The following DIDO1 variants were observed in gnomAD, a reference collection of about 807,000 sequenced individuals.
The protein encoded by DIDO1 is death-inducer obliterator 1.
A neutral mutation model predicts 99.4 loss-of-function variants in DIDO1; 16 were observed. The ratio of observed to expected loss-of-function variants is 0.16; its 90% confidence interval spans 0.11 to 0.24. The LOEUF (loss-of-function observed/expected upper bound fraction) is 0.24. DIDO1 is among the 10% of genes least tolerant of loss of function. DIDO1 has a pLI of 1.00. For missense variants in DIDO1, 2,996 were observed against 3,014.0 expected (o/e 0.99, Z 0.14); for synonymous variants, 1,366 against 1,239.1 (o/e 1.10, Z -2.15).
At position 62,892,212 on chromosome 20, in the gene DIDO1, A is replaced by G. The variant is rs1006855392; in HGVS notation, c.3256-136T>C. 5 of 729,958 alleles carry G rather than the reference A, an allele frequency of 6.8e-6. No individual in the cohort carries two copies. In the African/African-American group the frequency reaches 8.9e-5, roughly 13 times the overall value. 45.2% of individuals were successfully genotyped at this position (729,958 alleles called of 1,614,324 possible). ...TTCCAAGGAAAAGAGTCACACTTGT[A>G]TTAAATGCATTAAGTCCAGGATGAC... On this transcript the variant is annotated intron_variant, in intron 13 of 15. Coordinates refer to ENST00000395343, the MANE Select transcript of DIDO1 (RefSeq NM_001193369.2).
At chr20:62,914,598 C>G (rs1296740413) in intron 1 of DIDO1, among the ~76,000 whole-genome samples, 192 bp from the exon 2 acceptor site, 1 of 152,144 alleles carries the variant, frequency 6.6e-6, no homozygotes, top group Non-Finnish European at 1.5e-5. Context: ...ACAGCAGATG[C>G]TACCAACCCC....
intron 3 of DIDO1, 110 bp downstream of exon 3, chr20:62,910,664 T>C (rs544256431): frequency 2.1e-4 from 268 of 1,288,414 alleles, no homozygotes; most frequent in Middle Eastern, 1.2e-3. Context: ...TGTTCATCTT[T>C]TCCAACAAAT....
chr20:62,917,799 A>G, intron 1 of DIDO1, among the ~76,000 whole-genome samples: 1 of 152,270 alleles, frequency 6.6e-6, no homozygotes, highest in East Asian at 1.9e-4. Flanking sequence ...GGTGCTGAAG[A>G]GGGCTCCAAT....
chr20:62,914,187 T>C (rs896098956), intron 2 of DIDO1, 23 bp downstream of exon 2: 3 of 152,224 alleles, frequency 2.0e-5, no homozygotes, highest in African/African-American at 7.2e-5. Context: ...ATTTTGTTGC[T>C]ACTAACAGTG....
In DIDO1 at chr20:62,879,936, G is replaced by A; in HGVS notation, c.6020C>T (p.Ser2007Leu). ...GGCCTGGCCCTGGAAGTGAAATCGC[G>A]AAGGGGTCTGCTCATTTTTTTCAGA... ...PFSEKNEQTP[S>L]RFHFQGQAPQ... Residue 2007 changes from serine to leucine, a missense_variant, in exon 16 of 16, where the codon TCG becomes TTG. Around this residue, in one of 5 missense-constraint regions of DIDO1, gnomAD observed 1,562 missense variants for 1,412.6 expected, o/e 1.11. Transcript: ENST00000395343. This position sits in a 1 kb window ranked among gnomAD's most constrained non-coding sequence, Gnocchi z 6.3. 3 of 1,600,162 alleles carry A rather than the reference G, an allele frequency of 1.9e-6. No individual in the cohort carries two copies. The highest frequency in any genetic ancestry group is 2.6e-6 in the Non-Finnish European group (3 of 1,174,962).
chr20:62,877,968 G>A lies in DIDO1; in HGVS notation c.*1265C>T, dbSNP rs1213475572. 1 of 152,172 alleles carries A rather than the reference G, an allele frequency of 6.6e-6. No individual in the cohort carries two copies. Among genetic ancestry groups the A allele is most frequent in the African/African-American group, 2.4e-5 (1 of 41,452 alleles). The allele number at this position is 152,172 out of a possible 1,614,324, so 9.4% of individuals were successfully genotyped here. A position where few individuals can be genotyped will look rare whatever the true frequency, so the allele number is the denominator to read the frequency against. ...CTCATCGTACTAGATGTTGGAACGT[G>A]ACACCTACTTTAATGTAATTTAACC... On this transcript the variant is annotated 3_prime_UTR_variant, in exon 16 of 16. Coordinates refer to ENST00000395343, the MANE Select transcript of DIDO1 (RefSeq NM_001193369.2).
intron 6 of DIDO1, among the ~76,000 whole-genome samples, chr20:62,901,143 T>C (rs917002580): frequency 3.9e-5 from 6 of 152,236 alleles, no homozygotes; most frequent in Admixed American, 3.3e-4. Context: ...AAACAGTTAC[T>C]TCCCAAATAC....
intron 6 of DIDO1, 189 bp downstream of exon 6, chr20:62,905,698 A>G: frequency 6.2e-7 from 1 of 1,609,560 alleles, no homozygotes; most frequent in East Asian, 2.2e-5. Flanking sequence ...AAGTCCTGAC[A>G]GACTAGGGAT....
At chr20:62,909,512 T>C (rs1466404810) in intron 4 of DIDO1, among the ~76,000 whole-genome samples, 187 bp downstream of exon 4, 1 of 152,154 alleles carries the variant, frequency 6.6e-6, no homozygotes, top group African/African-American at 2.4e-5. Flanking sequence ...TCATTAATAG[T>C]AGAGGAGGTA....
Position 62,880,172 on chromosome 20 carries a change from C to A in DIDO1, c.5784G>T (p.Gly1928=). The change falls in exon 16 of 16, where the codon GGG becomes GGT. Residue 1928 remains glycine (G), a synonymous_variant. Transcript: ENST00000395343. The part of the protein sequence containing the change: ...PPPGHFVGPR[G]PHPSQFETAR... ...CAGTTTCAAACTGACTAGGATGGGG[C>A]CCTCTTGGGCCCACGAAATGACCAG... 1.2e-6 allele frequency: 2 copies of A among 1,612,330 alleles called. No individual in the cohort carries two copies. Among genetic ancestry groups the A allele is most frequent in the Non-Finnish European group, 1.7e-6 (2 of 1,179,874 alleles).
upstream of DIDO1, among the ~76,000 whole-genome samples, chr20:62,930,217 AC>A (rs1331500060): frequency 7.7e-5 from 10 of 130,374 alleles, no homozygotes; most frequent in African/African-American, 2.7e-4. Flanking sequence ...AAACAAACAA[AC>A]AAAAAAAAAA....
chr20:62,880,305 C>A lies in DIDO1; in HGVS notation c.5651G>T (p.Gly1884Val). The change falls in exon 16 of 16, where the codon GGC (glycine) becomes GTC (valine). Residue 1884 changes from glycine (G) to valine (V), a missense_variant. Gly to Val is a moderately radical substitution (Grantham distance 109). Transcript: ENST00000395343. ...EQAPFLGSRG[G>V]APFQFGGQRR... ...CTGGCCTCCGAACTGGAAAGGCGCG[C>A]CGCCTCTGCTTCCCAGAAATGGGGC... The A allele has an allele frequency of 6.2e-7, 1 of 1,612,824 alleles. No homozygotes were observed.
Position 62,880,130 on chromosome 20 carries a change from G to A in DIDO1, c.5826C>T (p.Pro1942=), listed in dbSNP as rs2064173777. 1.9e-6 allele frequency: 3 copies of A among 1,612,606 alleles called. No homozygotes were observed. Among genetic ancestry groups the A allele is most frequent in the Non-Finnish European group, 2.5e-6 (3 of 1,179,970 alleles). Residue 1942 remains proline, a synonymous_variant, in exon 16 of 16, where the codon CCC becomes CCT. Transcript: ENST00000395343. ...SQFETARGPH[P]NQFEGPRGQA... ...GGCCTCTGGGTCCTTCAAACTGGTT[G>A]GGATGAGGGCCCCGGGCAGTTTCAA...
chr20:62,897,815 G>A (rs1000026508), intron 6 of DIDO1, among the ~76,000 whole-genome samples: 1 of 152,234 alleles, frequency 6.6e-6, no homozygotes, highest in African/African-American at 2.4e-5. Flanking sequence ...GACAGACGGC[G>A]TGCCAGGGGA....
Position 62,888,333 on chromosome 20 carries a change from C to CA in DIDO1, c.3541+2626dup. The stretch of plus-strand genomic sequence containing the variant: ...AACAGGACCTTCTCCTTAACATCCC[C>CA]AGGGGAAGATGCTCCCACATCAGTG... On this transcript the variant is annotated intron_variant, in intron 15 of 15. Coordinates refer to ENST00000395343, the MANE Select transcript of DIDO1 (RefSeq NM_001193369.2). 3 of 985,564 alleles carry CA rather than the reference C, an allele frequency of 3.0e-6. 1 individual carries two copies. In the South Asian group the frequency reaches 1.4e-4, roughly 46 times the overall value. 61.1% of individuals were successfully genotyped at this position (985,564 alleles called of 1,614,324 possible). A position where few individuals can be genotyped will look rare whatever the true frequency, so the allele number is the denominator to read the frequency against.
chr20:62,893,894 A>C lies in DIDO1; in HGVS notation c.2873T>G (p.Val958Gly). The C allele has an allele frequency of 6.2e-7, 1 of 1,610,886 alleles. No individual in the cohort carries two copies. Among genetic ancestry groups the C allele is most frequent in the Non-Finnish European group, 8.5e-7 (1 of 1,177,612 alleles). The change falls in exon 12 of 16, where the codon GTC (valine) becomes GGC (glycine). Residue 958 changes from valine to glycine, a missense_variant. Val to Gly is a moderately radical substitution (Grantham distance 109). Transcript: ENST00000395343. The part of the protein sequence containing the change: ...PCPASCGSGV[V>G]TTVTVSGRDP... ...CCGGCCGGACACTGTGACGGTGGTG[A>C]CCACCCCGCTCCCACAGGAGGCTGG...
chr20:62,880,654 C>A lies in DIDO1; in HGVS notation c.5302G>T (p.Gly1768Cys). Residue 1768 changes from glycine (G) to cysteine (C), a missense_variant, in exon 16 of 16, where the codon GGC (glycine) becomes TGC (cysteine). By Grantham distance (159) the Gly-to-Cys change is radical. Coordinates refer to ENST00000395343, the MANE Select transcript of DIDO1 (RefSeq NM_001193369.2). ...PHALGMSGLH[G>C]PNFPGPRGPA... ...CCCCTTGGTCCCGGGAAATTGGGGC[C>A]GTGAAGCCCTGACATCCCCAAAGCA... 6.2e-7 allele frequency: 1 copy of A among 1,612,842 alleles called. No individual in the cohort carries two copies.
chr20:62,900,413 AGC>A (rs1387399672), intron 6 of DIDO1, among the ~76,000 whole-genome samples: 1 of 152,218 alleles, frequency 6.6e-6, no homozygotes, highest in Non-Finnish European at 1.5e-5. Context: ...TGGGTGCTAC[AGC>A]GCCTCTGGCC....
At chr20:62,903,941 G>A (rs1820225544) in intron 6 of DIDO1, among the ~76,000 whole-genome samples, 1 of 152,182 alleles carries the variant, frequency 6.6e-6, no homozygotes, top group South Asian at 2.1e-4. Flanking sequence ...TCACAGTGCA[G>A]GAGGCAGGCA....
Sources: gnomAD v4.1 joint callset for allele counts (sites outside exome capture counted in the v4.1 genomes callset) on GRCh38, gnomAD v4.1.1 for gene constraint, gnomAD v4.1.1 regional missense constraint, Gnocchi (gnomAD v3.1) non-coding constraint, MANE v1.5 for transcripts, NCBI Gene and HGNC (gene_info 2026-07-23, HGNC 2026-07-21) for gene names.